PDE1C: variants seen among roughly 807,000 people sequenced by gnomAD.
The protein encoded by PDE1C is phosphodiesterase 1C.
Under a neutral mutation model 93.1 loss-of-function variants are expected in PDE1C, and 62 were observed. The ratio of observed to expected loss-of-function variants is 0.67; its 90% CI spans 0.54 to 0.82. The LOEUF (loss-of-function observed/expected upper bound fraction) is 0.82, where lower values mean the gene tolerates loss of function less well. PDE1C is among the 40% of genes least tolerant of loss of function. The pLI is 0.00. For synonymous variants in PDE1C, 325 were observed against 310.1 expected, an observed-to-expected ratio of 1.05 and a Z score of -0.50; for missense variants, 742 against 884.6, an observed-to-expected ratio of 0.84 and a Z score of 2.04.
intron 1 of PDE1C, among the ~76,000 whole-genome samples, chr7:32,401,341 A>G (rs1784938167): frequency 6.6e-6 from 1 of 152,126 alleles, no homozygotes; most frequent in African/African-American, 2.4e-5. Flanking sequence ...GATCGAGACC[A>G]TCCTGGCTAA....
chr7:31,747,897 T>A (rs533135178), downstream of PDE1C, among the ~76,000 whole-genome samples: 4 of 151,080 alleles, frequency 2.6e-5, no homozygotes, highest in African/African-American at 9.7e-5. Context: ...TACAACCCTC[T>A]GGCCATATAA....
intron 1 of PDE1C, among the ~76,000 whole-genome samples, chr7:32,309,722 C>A (rs1343946916): frequency 1.3e-5 from 2 of 152,088 alleles, no homozygotes; most frequent in Admixed American, 1.3e-4. Flanking sequence ...CACCACCAGG[C>A]CTGCCCTAAA....
intron 1 of PDE1C, among the ~76,000 whole-genome samples, chr7:32,221,936 A>G (rs17426873): frequency 0.1 from 15,211 of 152,182 alleles, 819 homozygotes; most frequent in East Asian, 0.13. Context: ...AGCAAAGCAC[A>G]AAGCTCAAAA....
At chr7:31,729,115 T>C in the PDE1C span, among the ~76,000 whole-genome samples, 1 of 152,230 alleles carries the variant, frequency 6.6e-6, no homozygotes, top group South Asian at 2.1e-4. Context: ...GTTAGGTTAT[T>C]ACGAGGACCA....
At chr7:31,658,309 T>C in the PDE1C span, 8 of 1,520,956 alleles carry the variant, frequency 5.3e-6, no homozygotes, top group Admixed American at 2.1e-5. Context: ...CTTTTTTTTT[T>C]CTTCAAAAGC....
At chr7:31,670,472 C>T in the PDE1C span, among the ~76,000 whole-genome samples, 1 of 152,156 alleles carries the variant, frequency 6.6e-6, no homozygotes, top group African/African-American at 2.4e-5. Context: ...CCAGGTTCTA[C>T]CCTTCATAAT....
At chr7:31,915,610 C>T (rs529358573) in intron 2 of PDE1C, among the ~76,000 whole-genome samples, 1 of 152,310 alleles carries the variant, frequency 6.6e-6, no homozygotes, top group Admixed American at 6.5e-5. Context: ...GCTACACTAA[C>T]TTCTCTGTGT....
intron 5 of PDE1C, among the ~76,000 whole-genome samples, chr7:31,875,050 G>A (rs1796371711): frequency 6.6e-6 from 1 of 152,180 alleles, no homozygotes; most frequent in South Asian, 2.1e-4. Flanking sequence ...TCCCACTAGG[G>A]CGCAGGCTAT....
chr7:31,643,594 C>T, the PDE1C span: 5 of 1,614,042 alleles, frequency 3.1e-6, no homozygotes, highest in Non-Finnish European at 3.4e-6. Context: ...TGTGTGTGAT[C>T]CTGTTACCGC....
Position 32,117,803 on chromosome 7 carries a change from G to A in PDE1C, c.308+51982C>T, listed in dbSNP as rs370040305. On this transcript the variant is annotated intron_variant, in intron 3 of 18. Transcript: ENST00000396193. ...CTAAAGAAATTCTGGAATAGAGTGA[G>A]TTATTGATAAATTAAATTGGTCTCG... Among the ~76,000 whole-genome samples the A allele has an allele frequency of 1.2e-3, 180 of 152,316 alleles. 2 individuals are homozygous for A. The South Asian group carries it at 0.013, about 11-fold the overall frequency.
intron 5 of PDE1C, among the ~76,000 whole-genome samples, chr7:31,876,044 T>A (rs1562956580): frequency 6.6e-6 from 1 of 151,718 alleles, no homozygotes; most frequent in Admixed American, 6.6e-5. Context: ...TGATTCCATA[T>A]GAACTTCTGG....
chr7:31,918,848 A>G (rs1390822413), intron 2 of PDE1C, among the ~76,000 whole-genome samples: 1 of 152,194 alleles, frequency 6.6e-6, no homozygotes, highest in East Asian at 1.9e-4. Context: ...AGAAGCCTCT[A>G]CTATACTATG....
At chr7:31,665,320 C>T in the PDE1C span, among the ~76,000 whole-genome samples, 1 of 152,302 alleles carries the variant, frequency 6.6e-6, no homozygotes, top group Non-Finnish European at 1.5e-5. Flanking sequence ...CATCTCTGCA[C>T]AGTCTATATC....
chr7:32,057,694 G>T (rs1021624025), intron 1 of PDE1C, among the ~76,000 whole-genome samples: 3 of 152,128 alleles, frequency 2.0e-5, no homozygotes, highest in East Asian at 1.9e-4. Flanking sequence ...CCACAGTCAG[G>T]GGCAAAGTAA....
At chr7:31,999,031 T>A (rs1475967748) in intron 2 of PDE1C, among the ~76,000 whole-genome samples, 2 of 152,148 alleles carry the variant, frequency 1.3e-5, no homozygotes, top group Non-Finnish European at 2.9e-5. Context: ...AGAACTGATA[T>A]ACTTGGAACA....
At chr7:32,156,292 C>T (rs1057176981) in intron 3 of PDE1C, among the ~76,000 whole-genome samples, 1 of 152,104 alleles carries the variant, frequency 6.6e-6, no homozygotes, top group African/African-American at 2.4e-5. Context: ...TCTCTCTACC[C>T]CCACAACAGG....
chr7:31,655,889 C>T, the PDE1C span: 1 of 985,396 alleles, frequency 1.0e-6, no homozygotes, highest in Admixed American at 6.2e-5. Flanking sequence ...ACACCTGGCT[C>T]TAGGATGTCC....
intron 3 of PDE1C, among the ~76,000 whole-genome samples, chr7:32,077,557 T>G (rs189717325): frequency 1.3e-3 from 194 of 152,288 alleles, no homozygotes; most frequent in Non-Finnish European, 2.2e-3. Context: ...TTTATTTACT[T>G]TTTTAATTTA....
At chr7:32,063,482 A>G (rs1276082138) in intron 1 of PDE1C, among the ~76,000 whole-genome samples, 1 of 152,224 alleles carries the variant, frequency 6.6e-6, no homozygotes, top group African/African-American at 2.4e-5. Flanking sequence ...CAACTGACAG[A>G]GGAATGCTGT....
Sources: gnomAD v4.1 joint callset for allele counts (sites outside exome capture counted in the v4.1 genomes callset) on GRCh38, gnomAD v4.1.1 for gene constraint, MANE v1.5 for transcripts, NCBI Gene and HGNC (gene_info 2026-07-23, HGNC 2026-07-21) for gene names.